The following LRMDA variants were observed in gnomAD, a reference collection of about 807,000 sequenced individuals.
LRMDA encodes leucine-rich melanocyte differentiation-associated protein.
LRMDA carries 18 observed loss-of-function variants against 29.8 expected under a neutral mutation model. That is an observed-to-expected ratio of 0.60 (90% CI 0.42 to 0.90). The LOEUF is 0.90. LRMDA is among the 40% of genes least tolerant of loss of function. The pLI is 0.00. For missense variants in LRMDA, 273 were observed against 273.9 expected, an observed-to-expected ratio of 1.00 and a Z score of 0.02; for synonymous variants, 125 against 109.4, an observed-to-expected ratio of 1.14 and a Z score of -0.89.
At chr10:75,855,288 T>A (rs1844806133) in intron 2 of LRMDA, among the ~76,000 whole-genome samples, 1 of 152,178 alleles carries the variant, frequency 6.6e-6, no homozygotes, top group Admixed American at 6.5e-5. Flanking sequence ...TATCTCATTG[T>A]GGTTTTGATT....
At chr10:75,926,702 A>G (rs924109143) in intron 2 of LRMDA, among the ~76,000 whole-genome samples, 1 of 152,178 alleles carries the variant, frequency 6.6e-6, no homozygotes, top group Non-Finnish European at 1.5e-5. Flanking sequence ...GTGGTGTGCT[A>G]CCACACTCTA....
intron 5 of LRMDA, among the ~76,000 whole-genome samples, chr10:76,060,114 A>G: frequency 6.6e-6 from 1 of 152,266 alleles, no homozygotes; most frequent in South Asian, 2.1e-4. Context: ...CAGTCCAGAG[A>G]TAGCCAGCAT....
chr10:76,036,272 C>G, intron 3 of LRMDA, 138 bp downstream of exon 3: 1 of 878,698 alleles, frequency 1.1e-6, no homozygotes, highest in South Asian at 1.8e-5. Flanking sequence ...AAATACAGTT[C>G]GTGGGCAGAC....
intron 5 of LRMDA, chr10:76,319,183 A>C (rs1032871666): frequency 2.0e-5 from 3 of 152,288 alleles, no homozygotes; most frequent in Admixed American, 2.0e-4. Context: ...TGCTGGGATT[A>C]CAGGCGTGAG....
chr10:76,486,576 T>C (rs1347639411), intron 6 of LRMDA, among the ~76,000 whole-genome samples: 2 of 151,950 alleles, frequency 1.3e-5, no homozygotes, highest in African/African-American at 2.4e-5. Context: ...TTCCTGATTA[T>C]TTTGGCTAAA....
intron 6 of LRMDA, among the ~76,000 whole-genome samples, chr10:76,401,912 G>A (rs894876870): frequency 6.6e-6 from 1 of 152,112 alleles, no homozygotes; most frequent in African/African-American, 2.4e-5. Context: ...GGTATAGTGG[G>A]AAACCAAAGG....
At chr10:75,674,319 T>C (rs1303998361) in intron 2 of LRMDA, among the ~76,000 whole-genome samples, 2 of 152,154 alleles carry the variant, frequency 1.3e-5, no homozygotes, top group African/African-American at 4.8e-5. Context: ...ACCTTTCTGT[T>C]CCCTTATCTT....
intron 2 of LRMDA, among the ~76,000 whole-genome samples, chr10:75,977,450 C>A (rs1847093128): frequency 6.6e-6 from 1 of 152,190 alleles, no homozygotes; most frequent in Non-Finnish European, 1.5e-5. Flanking sequence ...TCCAGGGCAT[C>A]TGGGGAGCTG....
At chr10:75,899,404 T>C (rs975927989) in intron 2 of LRMDA, among the ~76,000 whole-genome samples, 6 of 152,352 alleles carry the variant, frequency 3.9e-5, no homozygotes, top group Non-Finnish European at 8.8e-5. Context: ...ATGTGCCCAG[T>C]GTGCTACGTA....
chr10:75,727,989 T>C (rs1842650400), intron 2 of LRMDA, among the ~76,000 whole-genome samples: 1 of 152,178 alleles, frequency 6.6e-6, no homozygotes, highest in South Asian at 2.1e-4. Flanking sequence ...GAGAACATAT[T>C]TTTTTGAGTG....
chr10:76,153,550 C>T (rs1456214574), intron 5 of LRMDA, among the ~76,000 whole-genome samples: 1 of 152,118 alleles, frequency 6.6e-6, no homozygotes, highest in East Asian at 1.9e-4. Context: ...CCAGTTCTCC[C>T]AGTATTATAT....
At chr10:75,436,258 G>A (rs543898668) in intron 1 of LRMDA, among the ~76,000 whole-genome samples, 1 of 152,090 alleles carries the variant, frequency 6.6e-6, no homozygotes, top group Non-Finnish European at 1.5e-5. Context: ...GACAAACTGG[G>A]TGTCTATTAG....
At chr10:76,355,781 G>A (rs76831624) in intron 6 of LRMDA, among the ~76,000 whole-genome samples, 3 of 152,178 alleles carry the variant, frequency 2.0e-5, no homozygotes, top group Non-Finnish European at 2.9e-5. Flanking sequence ...AGAAAGGGAC[G>A]TTGAATTAGC....
chr10:76,476,380 A>T (rs1842671400), intron 6 of LRMDA, among the ~76,000 whole-genome samples: 1 of 152,158 alleles, frequency 6.6e-6, no homozygotes, highest in African/African-American at 2.4e-5. Flanking sequence ...TAGACCAAAA[A>T]CAGGCTCTGA....
At chr10:75,778,282 T>C (rs1843338555) in intron 2 of LRMDA, among the ~76,000 whole-genome samples, 1 of 152,168 alleles carries the variant, frequency 6.6e-6, no homozygotes, top group South Asian at 2.1e-4. Context: ...TCCACCATGT[T>C]GGCCAAGATG....
intron 6 of LRMDA, among the ~76,000 whole-genome samples, chr10:76,389,193 A>G (rs928845908): frequency 7.9e-5 from 12 of 152,176 alleles, no homozygotes; most frequent in Admixed American, 6.5e-4. Context: ...TGAAGGGAGA[A>G]CGGCATGTAG....
chr10:76,351,387 A>T (rs1841174770), intron 6 of LRMDA, among the ~76,000 whole-genome samples: 1 of 152,168 alleles, frequency 6.6e-6, no homozygotes. Flanking sequence ...GAGATAAGCT[A>T]ACATGGAGAC....
intron 2 of LRMDA, among the ~76,000 whole-genome samples, chr10:76,032,151 C>T (rs577650035): frequency 2.0e-5 from 3 of 152,200 alleles, no homozygotes; most frequent in Non-Finnish European, 4.4e-5. Flanking sequence ...GGGCCCGGGC[C>T]CTGGCTCTTC....
chr10:76,164,154 A>G (rs1426709306), intron 5 of LRMDA, among the ~76,000 whole-genome samples: 1 of 152,106 alleles, frequency 6.6e-6, no homozygotes, highest in Non-Finnish European at 1.5e-5. Flanking sequence ...AATCAGAGGT[A>G]AGGAATTTGC....
Sources: allele counts gnomAD v4.1 joint callset (sites outside exome capture counted in the v4.1 genomes callset), GRCh38; gene constraint gnomAD v4.1.1; transcripts MANE v1.5; gene names NCBI Gene and HGNC (gene_info 2026-07-23, HGNC 2026-07-21).